The following SLC24A2 variants were observed in gnomAD, a reference collection of about 807,000 sequenced individuals.
The protein encoded by SLC24A2 is solute carrier family 24 member 2, also known as sodium/potassium/calcium exchanger 2.
A neutral mutation model predicts 62.0 loss-of-function variants in SLC24A2; 36 were observed. The ratio of observed to expected loss-of-function variants is 0.58; its 90% CI spans 0.44 to 0.77. The LOEUF (loss-of-function observed/expected upper bound fraction) is 0.77. Among genes scored for constraint, SLC24A2 ranks in the 30% least tolerant of loss-of-function variants. The pLI is 0.00. For synonymous variants in SLC24A2, 358 were observed against 294.0 expected (o/e 1.22, Z -2.23); for missense variants, 846 against 817.9 (o/e 1.03, Z -0.42).
the SLC24A2 span, among the ~76,000 whole-genome samples, chr9:20,081,310 G>C: frequency 1.9e-4 from 29 of 151,946 alleles, no homozygotes; most frequent in Non-Finnish European, 2.9e-4. Flanking sequence ...AAAAAATGAT[G>C]AGTTCATGTC....
At chr9:19,996,785 A>T in the SLC24A2 span, among the ~76,000 whole-genome samples, 1 of 150,942 alleles carries the variant, frequency 6.6e-6, no homozygotes, top group Non-Finnish European at 1.5e-5. Flanking sequence ...CATCATGATT[A>T]TCCTATGCCT....
intron 2 of SLC24A2, among the ~76,000 whole-genome samples, chr9:19,656,366 A>T (rs1181316899): frequency 6.6e-6 from 1 of 152,218 alleles, no homozygotes; most frequent in Non-Finnish European, 1.5e-5. Flanking sequence ...ATTTGCAGCC[A>T]CTACAACCTA....
At chr9:19,779,711 G>A (rs928044592) in intron 2 of SLC24A2, among the ~76,000 whole-genome samples, 18 of 152,198 alleles carry the variant, frequency 1.2e-4, no homozygotes, top group African/African-American at 4.3e-4. Context: ...AAATGACAAT[G>A]TCTAATTTAT....
At chr9:19,562,962 T>A (rs1835478359) in intron 7 of SLC24A2, among the ~76,000 whole-genome samples, 1 of 152,082 alleles carries the variant, frequency 6.6e-6, no homozygotes, top group African/African-American at 2.4e-5. Flanking sequence ...AAAAATTAAC[T>A]GGGCATGGTG....
At chr9:19,643,694 A>G (rs1187370612) in intron 2 of SLC24A2, among the ~76,000 whole-genome samples, 1 of 152,248 alleles carries the variant, frequency 6.6e-6, no homozygotes, top group Non-Finnish European at 1.5e-5. Context: ...ATAACTATGA[A>G]CATCTGTGTA....
intron 4 of SLC24A2, among the ~76,000 whole-genome samples, chr9:19,600,871 T>C (rs1357347301): frequency 1.3e-5 from 2 of 152,048 alleles, no homozygotes; most frequent in Non-Finnish European, 2.9e-5. Context: ...AATATGCAGG[T>C]TTCTGAAAAG....
chr9:19,609,278 C>T (rs576830811), intron 4 of SLC24A2, among the ~76,000 whole-genome samples: 3 of 152,226 alleles, frequency 2.0e-5, no homozygotes, highest in South Asian at 2.1e-4. Flanking sequence ...TCTCCTGCCC[C>T]GCTTGGTGCC....
chr9:19,889,955 GC>G, the SLC24A2 span, among the ~76,000 whole-genome samples: 2 of 152,120 alleles, frequency 1.3e-5, no homozygotes, highest in South Asian at 2.1e-4. Flanking sequence ...ATTCCACCAA[GC>G]CTCATCAAAT....
chr9:19,991,196 C>T, the SLC24A2 span, among the ~76,000 whole-genome samples: 7 of 151,908 alleles, frequency 4.6e-5, no homozygotes, highest in African/African-American at 7.3e-5. Context: ...GTAAGGAAGC[C>T]GACAGTGCAG....
the SLC24A2 span, among the ~76,000 whole-genome samples, chr9:19,984,022 C>T: frequency 6.6e-6 from 1 of 152,108 alleles, no homozygotes; most frequent in African/African-American, 2.4e-5. Flanking sequence ...TGGTTATGTC[C>T]AGAGAAATCT....
chr9:19,947,260 G>A, the SLC24A2 span, among the ~76,000 whole-genome samples: 1 of 152,026 alleles, frequency 6.6e-6, no homozygotes, highest in Non-Finnish European at 1.5e-5. Context: ...ACCTCTGTCT[G>A]GATACAGACA....
At chr9:19,624,292 T>C (rs1441574901) in intron 2 of SLC24A2, among the ~76,000 whole-genome samples, 3 of 152,158 alleles carry the variant, frequency 2.0e-5, no homozygotes, top group African/African-American at 7.2e-5. Context: ...TGAGCTGGAA[T>C]TGATACCACA....
At chr9:19,975,517 T>G in the SLC24A2 span, among the ~76,000 whole-genome samples, 2 of 152,230 alleles carry the variant, frequency 1.3e-5, no homozygotes, top group African/African-American at 4.8e-5. Flanking sequence ...GTTGTGGAAC[T>G]TCTTTGCACT....
At chr9:20,307,532 T>A in the SLC24A2 span, among the ~76,000 whole-genome samples, 11 of 152,160 alleles carry the variant, frequency 7.2e-5, 1 homozygote, top group Non-Finnish European at 1.5e-4. Context: ...ATGAGAAAAT[T>A]CCAGCAAATT....
chr9:20,127,333 T>C, the SLC24A2 span, among the ~76,000 whole-genome samples: 1 of 152,180 alleles, frequency 6.6e-6, no homozygotes, highest in Non-Finnish European at 1.5e-5. Context: ...CAGGAAACTT[T>C]AGTTTAACCT....
chr9:19,993,208 G>A, the SLC24A2 span, among the ~76,000 whole-genome samples: 1 of 152,168 alleles, frequency 6.6e-6, no homozygotes, highest in East Asian at 1.9e-4. Flanking sequence ...CAGGGCATCT[G>A]AAAATGGATC....
At chr9:19,670,499 A>T (rs548534567) in intron 2 of SLC24A2, among the ~76,000 whole-genome samples, 67 of 152,340 alleles carry the variant, frequency 4.4e-4, no homozygotes, top group African/African-American at 1.4e-3. Flanking sequence ...GGCTACCATT[A>T]CAAAGTGCCA....
chr9:19,654,174 C>G (rs1564019759), intron 2 of SLC24A2, among the ~76,000 whole-genome samples: 1 of 152,178 alleles, frequency 6.6e-6, no homozygotes, highest in Non-Finnish European at 1.5e-5. Context: ...GGAAATCATA[C>G]AGAATGTAGT....
chr9:19,672,324 G>C (rs561500649), intron 2 of SLC24A2, among the ~76,000 whole-genome samples: 4 of 146,476 alleles, frequency 2.7e-5, no homozygotes, highest in Admixed American at 6.7e-5. Flanking sequence ...TCTAGTTTAT[G>C]CATGTAGAGG....
Sources: allele counts gnomAD v4.1 joint callset (sites outside exome capture counted in the v4.1 genomes callset), GRCh38; gene constraint gnomAD v4.1.1; transcripts MANE v1.5; gene names NCBI Gene and HGNC (gene_info 2026-07-23, HGNC 2026-07-21).